The following SRRM2 variants were observed in gnomAD, a reference collection of about 807,000 sequenced individuals.
SRRM2 encodes serine/arginine repetitive matrix protein 2.
SRRM2 carries 30 observed loss-of-function variants against 213.8 expected under a neutral mutation model. The observed-to-expected ratio is 0.14, with a 90% CI of 0.10 to 0.19. SRRM2 has a LOEUF of 0.19. SRRM2 is among the 10% of genes least tolerant of loss of function. The pLI is 1.00. For missense variants in SRRM2, 4,904 were observed against 3,647.0 expected (o/e 1.34, Z -8.88); for synonymous variants, 2,025 against 1,377.7 (o/e 1.47, Z -10.40).
chr16:2,768,470 T>C (rs2068622723), intron 11 of SRRM2: 1 of 680,838 alleles, frequency 1.5e-6, no homozygotes, highest in Non-Finnish European at 2.6e-6. Context: ...AGGTTCATTC[T>C]CTAGAGGATA....
chr16:2,756,951 A>G (rs552652425), intron 2 of SRRM2, among the ~76,000 whole-genome samples: 37 of 152,276 alleles, frequency 2.4e-4, no homozygotes, highest in Non-Finnish European at 4.7e-4. Context: ...TGTCATTGGT[A>G]GAAAAGAAGA....
chr16:2,761,472 T>C (rs2068345371), intron 10 of SRRM2, 89 bp from the exon 11 acceptor site: 1 of 1,130,844 alleles, frequency 8.8e-7, no homozygotes, highest in Non-Finnish European at 1.2e-6. Flanking sequence ...AAAGAAAAGT[T>C]ATCATTGGAA....
rs1322688280 is a variant in SRRM2 at position 2,763,155 on chromosome 16, C to T, written c.2627C>T (p.Ser876Leu). ...CAGAGACGGAGCTGTTTTGAATCAT[C>T]ACCTGACCCTGAGTTGAAATCTAGG... is the stretch of plus-strand genomic sequence containing the variant. ...TPQRRSCFESSPDPELKSRTP... is the reference protein window; with the variant it reads ...TPQRRSCFESLPDPELKSRTP... The change falls in exon 11 of 15, where the codon TCA becomes TTA. Residue 876 changes from serine to leucine, a missense_variant. Ser to Leu is a moderately radical substitution (Grantham distance 145). Coordinates refer to ENST00000301740, the MANE Select transcript of SRRM2 (RefSeq NM_016333.4). 1.2e-6 allele frequency: 2 copies of T among 1,614,064 alleles called. No individual in the cohort carries two copies. Among genetic ancestry groups the T allele is most frequent in the East Asian group, 2.2e-5 (1 of 44,898 alleles).
chr16:2,754,820 C>T (rs1596257553), intron 1 of SRRM2, among the ~76,000 whole-genome samples: 2 of 152,106 alleles, frequency 1.3e-5, no homozygotes, highest in African/African-American at 2.4e-5. Context: ...TTTTTTGAGC[C>T]ATACAGTTTT....
rs2068434258 is a variant in SRRM2, at chr16:2,763,454, G to C, written c.2926G>C (p.Asp976His). The change falls in exon 11 of 15, where the codon GAT (aspartate) becomes CAT (histidine). Residue 976 changes from aspartate to histidine, a missense_variant. Coordinates refer to ENST00000301740, the MANE Select transcript of SRRM2 (RefSeq NM_016333.4). The part of the protein sequence containing the change: ...RYSHSGSSSP[D>H]TKVKPETPPR... Reference sequence around the variant, plus strand: ...CAGTCATTCTGGGTCCTCCTCACCAGATACCAAAGTGAAACCTGAAACACC... The same window carrying C: ...CAGTCATTCTGGGTCCTCCTCACCACATACCAAAGTGAAACCTGAAACACC... 1 of 1,614,036 alleles carries C rather than the reference G, an allele frequency of 6.2e-7. No homozygotes were observed. Among genetic ancestry groups the C allele is most frequent in the Non-Finnish European group, 8.5e-7 (1 of 1,180,042 alleles).
chr16:2,768,375 G>A, intron 11 of SRRM2, 114 bp downstream of exon 11: 6 of 1,221,388 alleles, frequency 4.9e-6, no homozygotes, highest in Non-Finnish European at 6.7e-6. Flanking sequence ...GAGGTATGGG[G>A]ACCTTGACCC....
At position 2,758,178 on chromosome 16, in the gene SRRM2, A is replaced by C. The variant is rs190413283; in HGVS notation, c.515+233A>C. Among the ~76,000 whole-genome samples the C allele has an allele frequency of 4.5e-4, 69 of 152,252 alleles. 1 individual carries two copies. The East Asian group carries it at 0.013, about 29-fold the overall frequency. ...CACTTGAGGCCAGGAGTTTGAGACC[A>C]GCCTGGGCGATGTAGTGAGACCCCA... is the stretch of plus-strand genomic sequence containing the variant. On this transcript the variant is annotated intron_variant, in intron 4 of 14. Coordinates refer to ENST00000301740, the MANE Select transcript of SRRM2 (RefSeq NM_016333.4).
chr16:2,770,044 C>T, intron 12 of SRRM2: 1 of 966,326 alleles, frequency 1.0e-6, no homozygotes, highest in Non-Finnish European at 1.4e-6. Context: ...TCCCTTGGGT[C>T]CCCAGAGCCA....
Position 2,756,350 on chromosome 16 carries a change from C to A in SRRM2, c.-15C>A, listed in dbSNP as rs760180582. 2 of 1,588,470 alleles carry A rather than the reference C, an allele frequency of 1.3e-6. No individual in the cohort carries two copies. The highest frequency in any genetic ancestry group is 2.3e-5 in the East Asian group (1 of 44,118). ...CCCCCTCAGGAGCGGTGGTGCCCCC[C>A]CCGGGCACGGGGCCATGTACAACGG... is the stretch of plus-strand genomic sequence containing the variant. On this transcript the variant is annotated 5_prime_UTR_variant, in exon 2 of 15. Transcript: ENST00000301740.
At chr16:2,760,568 A>T in intron 10 of SRRM2, 69 bp downstream of exon 10, 1 of 1,543,820 alleles carries the variant, frequency 6.5e-7, no homozygotes, top group South Asian at 1.1e-5. Context: ...ATGTGATGTG[A>T]AAGGGAGAGG....
At chr16:2,770,095 G>T in intron 12 of SRRM2, 2 of 1,363,494 alleles carry the variant, frequency 1.5e-6, no homozygotes, top group Non-Finnish European at 1.9e-6. Context: ...GGCCGTGCGT[G>T]CCTTTCTTCA....
chr16:2,759,032 A>G lies in SRRM2; in HGVS notation c.641A>G (p.Lys214Arg). The G allele has an allele frequency of 6.2e-7, 1 of 1,614,152 alleles. No homozygotes were observed. The highest frequency in any genetic ancestry group is 8.5e-7 in the Non-Finnish European group (1 of 1,179,992). The change falls in exon 6 of 15, where the codon AAG becomes AGG. Residue 214 changes from lysine to arginine, a missense_variant. Transcript: ENST00000301740. ...SPRRERKKSS[K>R]KKKHRSESES... ...CGACGGGAGAGAAAGAAAAGCTCAAAGAAGAAGAAGCACAGGTATGAGGTG... is the reference window on the plus strand; with the variant it reads ...CGACGGGAGAGAAAGAAAAGCTCAAGGAAGAAGAAGCACAGGTATGAGGTG...
Position 2,762,933 on chromosome 16 carries a change from C to T in SRRM2, c.2405C>T (p.Ser802Phe), listed in dbSNP as rs1362897428. The T allele has an allele frequency of 4.3e-6, 7 of 1,610,562 alleles. No homozygotes were observed. The Admixed American group carries it at 5.0e-5, about 12-fold the overall frequency. ...CCCAGGCGCAGTCGCTCTGGATCCT[C>T]CCAACCTAAAGCTAAATCTAGAACG... ...TPPRRSRSGS[S>F]QPKAKSRTPP... Residue 802 changes from serine (S) to phenylalanine (F), a missense_variant, in exon 11 of 15, where the codon TCC (serine) becomes TTC (phenylalanine). Ser to Phe is a radical substitution (Grantham distance 155). Transcript: ENST00000301740.
At position 2,766,206 on chromosome 16, in the gene SRRM2, C is replaced by T. The variant is rs745859886; in HGVS notation, c.5678C>T (p.Ser1893Leu). The change falls in exon 11 of 15, where the codon TCA (serine) becomes TTA (leucine). Residue 1893 changes from serine to leucine, a missense_variant. Physicochemically the swap from Ser to Leu is moderately radical, Grantham distance 145 (BLOSUM62 -2). Coordinates refer to ENST00000301740, the MANE Select transcript of SRRM2 (RefSeq NM_016333.4). This position sits in a 1 kb window ranked among gnomAD's most constrained non-coding sequence, Gnocchi z 7.0. Reference protein sequence around the residue: ...ISRRRSRSRTSPVSRRRSRSR... With the variant: ...ISRRRSRSRTLPVSRRRSRSR... ...CGACGTAGGTCCAGATCTCGAACTT[C>T]ACCAGTCAGCCGGAGACGGTCAAGG... 3.1e-5 allele frequency: 50 copies of T among 1,614,176 alleles called. No individual in the cohort carries two copies. The highest frequency in any genetic ancestry group is 4.2e-5 in the Non-Finnish European group (49 of 1,180,040).
Position 2,763,562 on chromosome 16 carries a change from T to G in SRRM2, c.3034T>G (p.Ser1012Ala). ...TCCACCGGGGCCAAGTCTTTCTGGA[T>G]CAAAGTCACCATGTCCCCAAGAGAA... ...QTPPGPSLSG[S>A]KSPCPQEKSK... Residue 1012 changes from serine (S) to alanine (A), a missense_variant, in exon 11 of 15, where the codon TCA (serine) becomes GCA (alanine). By Grantham distance (99) the Ser-to-Ala change is moderately conservative (BLOSUM62 1). Coordinates refer to ENST00000301740, the MANE Select transcript of SRRM2 (RefSeq NM_016333.4). 6.2e-7 allele frequency: 1 copy of G among 1,614,138 alleles called. No individual in the cohort carries two copies. The highest frequency in any genetic ancestry group is 1.1e-5 in the South Asian group (1 of 91,074).
chr16:2,760,194 G>A, intron 9 of SRRM2, 107 bp from the exon 10 acceptor site: 1 of 1,100,790 alleles, frequency 9.1e-7, no homozygotes, highest in Non-Finnish European at 1.3e-6. Context: ...CTTTTTGGAA[G>A]AGGGTTGTCC....
At position 2,764,087 on chromosome 16, in the gene SRRM2, T is replaced by C; in HGVS notation, c.3559T>C (p.Phe1187Leu). 2.5e-6 allele frequency: 4 copies of C among 1,614,118 alleles called. No homozygotes were observed. The highest frequency in any genetic ancestry group is 3.4e-6 in the Non-Finnish European group (4 of 1,180,018). ...TASPPRQKDKFSPFPVQDRPE... is the reference protein window; with the variant it reads ...TASPPRQKDKLSPFPVQDRPE... ...ATCACCTCCTAGACAGAAAGACAAA[T>C]TTAGTCCCTTTCCAGTACAGGATAG... The change falls in exon 11 of 15, where the codon TTT (phenylalanine) becomes CTT (leucine). Residue 1187 changes from phenylalanine (F) to leucine (L), a missense_variant. By Grantham distance (22) the Phe-to-Leu change is conservative (BLOSUM62 0). Coordinates refer to ENST00000301740, the MANE Select transcript of SRRM2 (RefSeq NM_016333.4).
chr16:2,761,993 A>G lies in SRRM2; in HGVS notation c.1465A>G (p.Thr489Ala), dbSNP rs547593877. The change falls in exon 11 of 15, where the codon ACC (threonine) becomes GCC (alanine). Residue 489 changes from threonine (T) to alanine (A), a missense_variant. Physicochemically the swap from Thr to Ala is moderately conservative, Grantham distance 58. Transcript: ENST00000301740. ...RRMGRSRSPA[T>A]AKRGRSRSRT... ...GATGGGGAGGTCCCGTAGCCCTGCC[A>G]CCGCTAAGAGAGGGCGATCTCGGTC... The G allele has an allele frequency of 6.2e-6, 10 of 1,614,070 alleles. No individual in the cohort carries two copies. Among genetic ancestry groups the G allele is most frequent in the African/African-American group, 2.7e-5 (2 of 74,996 alleles).
Position 2,758,731 on chromosome 16 carries a change from G to A in SRRM2, c.593+184G>A, listed in dbSNP as rs1051144169. 6 of 679,822 alleles carry A rather than the reference G, an allele frequency of 8.8e-6. No homozygotes were observed. The African/African-American group carries it at 9.1e-5, about 10-fold the overall frequency. 42.1% of individuals were successfully genotyped at this position (679,822 alleles called of 1,614,324 possible). A position where few individuals can be genotyped will look rare whatever the true frequency, so the allele number is the denominator to read the frequency against. On this transcript the variant is annotated intron_variant, in intron 5 of 14. Transcript: ENST00000301740. ...TTCTCAGTGGGGAAGTGTTGAGTTT[G>A]CAGTTCTGCTAATTAAGATTGGCCA...
Sources: gnomAD v4.1 joint callset for allele counts (sites outside exome capture counted in the v4.1 genomes callset) on GRCh38, gnomAD v4.1.1 for gene constraint, Gnocchi (gnomAD v3.1) non-coding constraint, MANE v1.5 for transcripts, NCBI Gene and HGNC (gene_info 2026-07-23, HGNC 2026-07-21) for gene names.